Variants in HTR4 observed in about 807,000 individuals in gnomAD.
The protein encoded by HTR4 is 5-hydroxytryptamine (serotonin) receptor 4, G protein-coupled.
HTR4 carries 16 observed loss-of-function variants against 36.8 expected under a neutral mutation model. The observed-to-expected ratio is 0.43, with a 90% CI of 0.29 to 0.66. The LOEUF (loss-of-function observed/expected upper bound fraction) is 0.66. Among genes scored for constraint, HTR4 ranks in the 30% least tolerant of loss-of-function variants. HTR4 has a pLI of 0.13. For missense variants in HTR4, 438 were observed against 490.9 expected (o/e 0.89, Z 1.02); for synonymous variants, 189 against 185.1 (o/e 1.02, Z -0.17).
intron 2 of HTR4, among the ~76,000 whole-genome samples, chr5:148,553,239 G>A (rs1017826261): frequency 6.6e-6 from 1 of 152,188 alleles, no homozygotes; most frequent in African/African-American, 2.4e-5. Context: ...GGAGGGTAAG[G>A]AGGACTGGAT....
At chr5:148,610,683 C>T (rs1752387040) in intron 2 of HTR4, among the ~76,000 whole-genome samples, 1 of 151,880 alleles carries the variant, frequency 6.6e-6, no homozygotes, top group South Asian at 2.1e-4. Flanking sequence ...CGGAGAATGA[C>T]TTTGATGAGC....
At chr5:148,639,748 G>A (rs748146538) in intron 1 of HTR4, among the ~76,000 whole-genome samples, 25 of 151,340 alleles carry the variant, frequency 1.7e-4, no homozygotes, top group African/African-American at 5.6e-4. Context: ...CAGTGCCCTC[G>A]AGAAATGCCT....
At chr5:148,576,165 T>C (rs1315765797) in intron 2 of HTR4, among the ~76,000 whole-genome samples, 1 of 139,068 alleles carries the variant, frequency 7.2e-6, no homozygotes, top group Non-Finnish European at 1.5e-5. Flanking sequence ...TTAACATTCC[T>C]ATATACCAAC....
At chr5:148,462,996 T>C (rs1435902909) in intron 5 of HTR4, among the ~76,000 whole-genome samples, 1 of 151,928 alleles carries the variant, frequency 6.6e-6, no homozygotes, top group Non-Finnish European at 1.5e-5. Context: ...AAACTAAGAC[T>C]AGAGGAGAAC....
chr5:148,632,078 C>A (rs1390671762), intron 2 of HTR4, among the ~76,000 whole-genome samples: 1 of 152,038 alleles, frequency 6.6e-6, no homozygotes, highest in Non-Finnish European at 1.5e-5. Context: ...TCTTGGATTT[C>A]TTTCTCACTT....
intron 2 of HTR4, among the ~76,000 whole-genome samples, chr5:148,605,826 T>C (rs891114034): frequency 6.6e-6 from 1 of 152,080 alleles, no homozygotes; most frequent in Non-Finnish European, 1.5e-5. Flanking sequence ...TGTAGCAGTC[T>C]CTTCTTTCTG....
At chr5:148,503,250 A>G (rs1467531954) in intron 6 of HTR4, among the ~76,000 whole-genome samples, 6 of 152,192 alleles carry the variant, frequency 3.9e-5, no homozygotes, top group Non-Finnish European at 5.9e-5. Flanking sequence ...GAGAAAGGTC[A>G]GGTTACCCAC....
intron 2 of HTR4, among the ~76,000 whole-genome samples, chr5:148,614,538 G>C (rs1752581109): frequency 6.6e-6 from 1 of 152,112 alleles, no homozygotes; most frequent in African/African-American, 2.4e-5. Flanking sequence ...ATTCAAGGTG[G>C]ATTAAAGACT....
intron 2 of HTR4, among the ~76,000 whole-genome samples, chr5:148,603,546 A>G (rs531389111): frequency 1.3e-5 from 2 of 152,218 alleles, no homozygotes; most frequent in South Asian, 4.1e-4. Context: ...ATGAGGTAAG[A>G]AAACAAAGTA....
chr5:148,485,635 T>C (rs1242229703), intron 6 of HTR4, among the ~76,000 whole-genome samples: 1 of 151,970 alleles, frequency 6.6e-6, no homozygotes, highest in African/African-American at 2.4e-5. Flanking sequence ...TAAAGAAGAG[T>C]CATTGCCAAG....
chr5:148,644,070 G>T (rs534196196), intron 1 of HTR4, among the ~76,000 whole-genome samples: 5 of 152,286 alleles, frequency 3.3e-5, no homozygotes, highest in African/African-American at 1.2e-4. Context: ...CCAAGTTTCT[G>T]ATGTAGTAGA....
chr5:148,625,823 C>T (rs922497674), intron 2 of HTR4, among the ~76,000 whole-genome samples: 4 of 152,082 alleles, frequency 2.6e-5, no homozygotes, highest in African/African-American at 9.6e-5. Flanking sequence ...TCGTGATCCA[C>T]CCACCTTGGC....
intron 6 of HTR4, among the ~76,000 whole-genome samples, chr5:148,495,444 AG>A (rs1466467227): frequency 6.6e-6 from 1 of 152,174 alleles, no homozygotes; most frequent in Non-Finnish European, 1.5e-5. Flanking sequence ...ACAGTTAAAC[AG>A]AAGAGAGGGT....
chr5:148,652,748 T>A (rs1174479125), intron 1 of HTR4, among the ~76,000 whole-genome samples: 1 of 152,096 alleles, frequency 6.6e-6, no homozygotes, highest in East Asian at 1.9e-4. Context: ...TCTATAATAA[T>A]AATTATAATA....
intron 2 of HTR4, among the ~76,000 whole-genome samples, chr5:148,584,623 C>T (rs1484813045): frequency 6.6e-6 from 1 of 152,138 alleles, no homozygotes; most frequent in Non-Finnish European, 1.5e-5. Flanking sequence ...CTCCTACTTC[C>T]TAGGTGACAG....
chr5:148,493,436 T>C (rs897651802), intron 6 of HTR4, among the ~76,000 whole-genome samples: 3 of 152,246 alleles, frequency 2.0e-5, no homozygotes, highest in African/African-American at 7.2e-5. Flanking sequence ...TACCATGATC[T>C]GTATAATTTT....
intron 6 of HTR4, among the ~76,000 whole-genome samples, chr5:148,494,628 T>C (rs967250929): frequency 3.3e-5 from 5 of 152,260 alleles, no homozygotes; most frequent in Non-Finnish European, 7.3e-5. Flanking sequence ...GCGTTGCTGA[T>C]AACAAGAGTT....
intron 2 of HTR4, among the ~76,000 whole-genome samples, chr5:148,569,285 T>A (rs1760579023): frequency 6.6e-6 from 1 of 152,048 alleles, no homozygotes. Context: ...ATGTTCTCAC[T>A]TATAAGTGGG....
At chr5:148,513,765 C>G (rs1757605548) in intron 5 of HTR4, among the ~76,000 whole-genome samples, 2 of 151,962 alleles carry the variant, frequency 1.3e-5, no homozygotes, top group African/African-American at 4.8e-5. Flanking sequence ...AATTCCTTCC[C>G]TTTGTCTTTT....
Sources: gnomAD v4.1 joint callset for allele counts (sites outside exome capture counted in the v4.1 genomes callset) on GRCh38, gnomAD v4.1.1 for gene constraint, MANE v1.5 for transcripts, NCBI Gene and HGNC (gene_info 2026-07-23, HGNC 2026-07-21) for gene names.